The following PPP3CA variants were observed in gnomAD, a reference collection of about 807,000 sequenced individuals.
The protein encoded by PPP3CA is CAM-PRP catalytic subunit.
A neutral mutation model predicts 66.5 loss-of-function variants in PPP3CA; 14 were observed. The ratio of observed to expected loss-of-function variants is 0.21; its 90% CI spans 0.14 to 0.33. The LOEUF is 0.33. PPP3CA is among the 10% of genes least tolerant of loss of function. The pLI is 1.00. For synonymous variants in PPP3CA, 232 were observed against 226.2 expected (o/e 1.03, Z -0.23); for missense variants, 317 against 639.5 (o/e 0.50, Z 5.44).
chr4:101,206,251 A>G (rs1162201747), intron 1 of PPP3CA, among the ~76,000 whole-genome samples: 1 of 152,200 alleles, frequency 6.6e-6, no homozygotes, highest in African/African-American at 2.4e-5. Flanking sequence ...ATCTTCACAC[A>G]TCTATTTAAA....
intron 1 of PPP3CA, among the ~76,000 whole-genome samples, chr4:101,312,443 A>G (rs1040112155): frequency 6.6e-6 from 1 of 152,020 alleles, no homozygotes; most frequent in Non-Finnish European, 1.5e-5. Flanking sequence ...ATAATAAAAG[A>G]ATTCACTGGG....
chr4:101,217,931 C>T (rs1402860172), intron 1 of PPP3CA, among the ~76,000 whole-genome samples: 2 of 152,054 alleles, frequency 1.3e-5, no homozygotes, highest in Non-Finnish European at 2.9e-5. Context: ...GGGGTAGACA[C>T]AGGCCAGACA....
At chr4:101,312,422 T>C (rs577258212) in intron 1 of PPP3CA, among the ~76,000 whole-genome samples, 1 of 150,602 alleles carries the variant, frequency 6.6e-6, no homozygotes, top group East Asian at 1.9e-4. Context: ...TTAAACATTA[T>C]TTTTTATTAA....
chr4:101,332,137 AAC>A (rs1729407528), intron 1 of PPP3CA, among the ~76,000 whole-genome samples: 1 of 152,178 alleles, frequency 6.6e-6, no homozygotes, highest in Non-Finnish European at 1.5e-5. Context: ...AAGCATAGGA[AAC>A]ACAGGAGAAC....
chr4:101,131,916 G>C (rs947590784), intron 2 of PPP3CA, among the ~76,000 whole-genome samples: 1 of 152,186 alleles, frequency 6.6e-6, no homozygotes, highest in African/African-American at 2.4e-5. Context: ...TCAGACCACA[G>C]TGCAATCAAA....
intron 1 of PPP3CA, among the ~76,000 whole-genome samples, chr4:101,284,537 T>C (rs1228710298): frequency 6.6e-6 from 1 of 152,200 alleles, no homozygotes; most frequent in Non-Finnish European, 1.5e-5. Flanking sequence ...ACTAAAAATG[T>C]AATATAAAAC....
At chr4:101,126,968 T>C (rs1172912538) in intron 2 of PPP3CA, among the ~76,000 whole-genome samples, 1 of 152,182 alleles carries the variant, frequency 6.6e-6, no homozygotes, top group East Asian at 1.9e-4. Context: ...GTGCCAAGTG[T>C]AAGTCTACTG....
intron 1 of PPP3CA, among the ~76,000 whole-genome samples, chr4:101,326,024 A>G (rs768837734): frequency 2.0e-5 from 3 of 152,140 alleles, no homozygotes; most frequent in Admixed American, 1.3e-4. Context: ...CTGTAGTCCC[A>G]GCTACTCAGA....
At chr4:101,267,057 T>C (rs1727190650) in intron 1 of PPP3CA, among the ~76,000 whole-genome samples, 1 of 152,194 alleles carries the variant, frequency 6.6e-6, no homozygotes, top group African/African-American at 2.4e-5. Context: ...TTATTACCAA[T>C]CTGCCTCTGC....
intron 10 of PPP3CA, among the ~76,000 whole-genome samples, chr4:101,059,794 G>A (rs1284285843): frequency 6.6e-6 from 1 of 151,950 alleles, no homozygotes; most frequent in Non-Finnish European, 1.5e-5. Flanking sequence ...TTATGCATCA[G>A]TCTCTCCAAC....
intron 5 of PPP3CA, among the ~76,000 whole-genome samples, chr4:101,096,845 T>A (rs1730217585): frequency 6.6e-6 from 1 of 152,192 alleles, no homozygotes; most frequent in South Asian, 2.1e-4. Flanking sequence ...AAAACACTGT[T>A]TACTAATTTA....
chr4:101,317,710 A>C (rs1728923938), intron 1 of PPP3CA, among the ~76,000 whole-genome samples: 1 of 152,182 alleles, frequency 6.6e-6, no homozygotes, highest in Non-Finnish European at 1.5e-5. Flanking sequence ...ACTTTTGTGG[A>C]CTTGGTCTAC....
chr4:101,301,460 TTA>T (rs941912604), intron 1 of PPP3CA, among the ~76,000 whole-genome samples: 3 of 146,638 alleles, frequency 2.0e-5, no homozygotes, highest in East Asian at 3.9e-4. Flanking sequence ...AATTTATATA[TTA>T]TATATATTAT....
chr4:101,346,918 C>T lies in PPP3CA; in HGVS notation c.-122G>A, dbSNP rs1054553049. 2 of 1,143,810 alleles carry T rather than the reference C, an allele frequency of 1.7e-6. No homozygotes were observed. The highest frequency in any genetic ancestry group is 2.5e-6 in the Non-Finnish European group (2 of 790,128). 70.9% of individuals were successfully genotyped at this position (1,143,810 alleles called of 1,614,324 possible). ...CGCCGCCGCCGCGCTGCAAACCGCT[C>T]GGCTGGAGGTCTAGGCTCTGAGCTG... On this transcript the variant is annotated 5_prime_UTR_variant, in exon 1 of 14. Transcript: ENST00000394854.
intron 1 of PPP3CA, among the ~76,000 whole-genome samples, chr4:101,273,781 A>T (rs1727406759): frequency 6.6e-6 from 1 of 152,226 alleles, no homozygotes; most frequent in South Asian, 2.1e-4. Flanking sequence ...GAACTATTCA[A>T]GCAAAAATGG....
rs74534511 is a variant in PPP3CA at position 101,185,996 on chromosome 4, A to G, written c.259+9920T>C. Among the ~76,000 whole-genome samples the G allele has an allele frequency of 3.8e-3, 584 of 152,304 alleles. 5 individuals are homozygous for G. The highest frequency in any genetic ancestry group is 0.013 in the African/African-American group (557 of 41,564). On this transcript the variant is annotated intron_variant, in intron 2 of 13. Coordinates refer to ENST00000394854, the MANE Select transcript of PPP3CA (RefSeq NM_000944.5). ...CTGAAATATTAGCTCCTATCTAAAA[A>G]TGGTTTAAGTTTCTTTATAGTGTAC...
At chr4:101,155,962 A>G (rs1287529274) in intron 2 of PPP3CA, among the ~76,000 whole-genome samples, 1 of 152,156 alleles carries the variant, frequency 6.6e-6, no homozygotes, top group Non-Finnish European at 1.5e-5. Flanking sequence ...TTTTATCCTC[A>G]CAACCACCCT....
At chr4:101,085,774 T>C (rs752943402) in intron 6 of PPP3CA, among the ~76,000 whole-genome samples, 4 of 152,110 alleles carry the variant, frequency 2.6e-5, no homozygotes, top group Non-Finnish European at 4.4e-5. Context: ...TCCACTTTTA[T>C]GCTTTTTAAT....
intron 2 of PPP3CA, among the ~76,000 whole-genome samples, chr4:101,134,777 C>T (rs1722561301): frequency 6.6e-6 from 1 of 152,172 alleles, no homozygotes; most frequent in Non-Finnish European, 1.5e-5. Flanking sequence ...GACACATGCA[C>T]ACGTATGTTT....
Sources: gnomAD v4.1 joint callset for allele counts (sites outside exome capture counted in the v4.1 genomes callset) on GRCh38, gnomAD v4.1.1 for gene constraint, MANE v1.5 for transcripts, NCBI Gene and HGNC (gene_info 2026-07-23, HGNC 2026-07-21) for gene names.